SGSM2: variants seen among roughly 807,000 people sequenced by gnomAD.
The protein encoded by SGSM2 is RUN and TBC1 domain containing 1.
In SGSM2, 89 loss-of-function variants were observed where a neutral mutation model predicts 126.6. The observed-to-expected ratio is 0.70, with a 90% CI of 0.59 to 0.84. The LOEUF is 0.84. SGSM2 is among the 40% of genes least tolerant of loss of function. The pLI is 0.00. For synonymous variants in SGSM2, 614 were observed against 574.3 expected, an observed-to-expected ratio of 1.07 and a Z score of -0.99; for missense variants, 1,404 against 1,416.6, an observed-to-expected ratio of 0.99 and a Z score of 0.14.
In SGSM2 at chr17:2,379,764, C is replaced by G; in HGVS notation, c.*244C>G. 1.4e-6 allele frequency: 2 copies of G among 1,382,946 alleles called. No homozygotes were observed. Among genetic ancestry groups the G allele is most frequent in the South Asian group, 1.7e-5 (1 of 59,816 alleles). The allele number at this position is 1,382,946 out of a possible 1,614,324, so 85.7% of individuals were successfully genotyped here. Reference sequence around the variant, plus strand: ...CTCAGGGAGCAGCTGCCTTGGGGGACACACCTACTCTGCTCCCCTCTCACA... The same window carrying G: ...CTCAGGGAGCAGCTGCCTTGGGGGAGACACCTACTCTGCTCCCCTCTCACA... On this transcript the variant is annotated 3_prime_UTR_variant, in exon 24 of 24. Transcript: ENST00000268989.
At chr17:2,374,681 C>T (rs2066043447) in intron 17 of SGSM2, 1 of 152,264 alleles carries the variant, frequency 6.6e-6, no homozygotes. Flanking sequence ...CTCCCTCTCT[C>T]TGGCTTTGGG....
At chr17:2,359,765 G>T (rs2065235679) in intron 2 of SGSM2, among the ~76,000 whole-genome samples, 1 of 152,114 alleles carries the variant, frequency 6.6e-6, no homozygotes, top group African/African-American at 2.4e-5. Flanking sequence ...CATTATCCCG[G>T]CAATTAATCA....
intron 23 of SGSM2, 22 bp downstream of exon 23, chr17:2,379,225 C>T: frequency 2.5e-6 from 4 of 1,613,482 alleles, no homozygotes; most frequent in Non-Finnish European, 3.4e-6. Context: ...TCCAGCCATC[C>T]AGGCTGCCCT....
chr17:2,376,495 G>A (rs369357082), intron 19 of SGSM2: 66 of 661,630 alleles, frequency 1.0e-4, no homozygotes, highest in Admixed American at 2.0e-4. Context: ...CCTCATCCCC[G>A]CACCCCCGCC....
intron 11 of SGSM2, among the ~76,000 whole-genome samples, chr17:2,365,734 C>A (rs534042352): frequency 9.6e-4 from 146 of 151,518 alleles, no homozygotes; most frequent in South Asian, 4.8e-3. Flanking sequence ...GGGTATGGGA[C>A]CAGCGCTACT....
At chr17:2,376,540 A>G in intron 19 of SGSM2, 193 bp from the exon 20 acceptor site, 1 of 702,802 alleles carries the variant, frequency 1.4e-6, no homozygotes, top group African/African-American at 1.8e-5. Context: ...GGCTCTCCCT[A>G]AGTCGGAGTG....
rs1283075676 is a variant in SGSM2 at position 2,337,947 on chromosome 17, G to A, written c.57+202G>A. Among the ~76,000 whole-genome samples the A allele has an allele frequency of 6.6e-6, 1 of 152,018 alleles. No homozygotes were observed. The highest frequency in any genetic ancestry group is 1.5e-5 in the Non-Finnish European group (1 of 67,950). The stretch of plus-strand genomic sequence containing the variant: ...CCTCTGCCCGGGGGACCCGGCCGGC[G>A]CTCCCGGCTTGTTTGCTTCGCAGCC... On this transcript the variant is annotated intron_variant, in intron 1 of 23. Coordinates refer to ENST00000268989, the MANE Select transcript of SGSM2 (RefSeq NM_014853.3). The surrounding 1 kb of genome is among the most constrained non-coding windows in gnomAD (Gnocchi z 5.1).
chr17:2,375,676 C>A lies in SGSM2; in HGVS notation c.2285C>A (p.Ser762Ter). 6.2e-7 allele frequency: 1 copy of A among 1,613,920 alleles called. No individual in the cohort carries two copies. The highest frequency in any genetic ancestry group is 1.1e-5 in the South Asian group (1 of 91,082). ...LPSSRNYSVA[S>*]GIQSSLDEGQ... ...TCCTCTCGCAATTACTCCGTGGCCT[C>A]GGGCATCCAGTCAAGCCTAGATGAG... Residue 762 changes from serine to a stop codon, truncating the protein, a stop_gained, in exon 18 of 24, where the codon TCG (serine) becomes TAG (stop). Coordinates refer to ENST00000268989, the MANE Select transcript of SGSM2 (RefSeq NM_014853.3). LOFTEE classifies it high-confidence loss of function.
chr17:2,367,147 C>T lies in SGSM2; in HGVS notation c.1289-124C>T, dbSNP rs945312507. ...GAGCTTTCTGGTCCCCTCCCTTCCC[C>T]TCTTCTGTGCCCTGCAGATTCACGA... On this transcript the variant is annotated intron_variant, in intron 11 of 23. Coordinates refer to ENST00000268989, the MANE Select transcript of SGSM2 (RefSeq NM_014853.3). This position sits in a 1 kb window ranked among gnomAD's most constrained non-coding sequence, Gnocchi z 4.0. 14 of 1,145,058 alleles carry T rather than the reference C, an allele frequency of 1.2e-5. No individual in the cohort carries two copies. Among genetic ancestry groups the T allele is most frequent in the Non-Finnish European group, 1.4e-5 (12 of 831,918 alleles). 70.9% of individuals were successfully genotyped at this position (1,145,058 alleles called of 1,614,324 possible).
chr17:2,377,773 C>T (rs758956417), intron 21 of SGSM2, 84 bp from the exon 22 acceptor site: 53 of 880,962 alleles, frequency 6.0e-5, no homozygotes, highest in Non-Finnish European at 9.8e-5. Context: ...GCCTGCATCC[C>T]TGGGCGTGAG....
At chr17:2,350,174 G>A (rs35280661) in intron 2 of SGSM2, among the ~76,000 whole-genome samples, 48,336 of 151,288 alleles carry the variant, frequency 0.32, 9,125 homozygotes, top group East Asian at 0.56. Flanking sequence ...CACCTGCCTC[G>A]GTCTCCCAAA....
chr17:2,339,039 A>G (rs1386059944), intron 1 of SGSM2, among the ~76,000 whole-genome samples: 1 of 151,652 alleles, frequency 6.6e-6, no homozygotes, highest in East Asian at 2.0e-4. Context: ...AGCCTGGGCG[A>G]CAGAGTGAGA....
chr17:2,338,355 G>GC (rs145407084), intron 1 of SGSM2, among the ~76,000 whole-genome samples: 7,384 of 152,202 alleles, frequency 0.049, 552 homozygotes, highest in African/African-American at 0.17. Flanking sequence ...TTTGAGGGAA[G>GC]CCCCCCTACT....
Position 2,362,348 on chromosome 17 carries a change from A to C in SGSM2, c.458+78A>C, listed in dbSNP as rs2065349982. 7.1e-6 allele frequency: 10 copies of C among 1,410,060 alleles called. No individual in the cohort carries two copies. Among genetic ancestry groups the C allele is most frequent in the Non-Finnish European group, 8.5e-6 (9 of 1,053,144 alleles). 87.3% of individuals were successfully genotyped at this position (1,410,060 alleles called of 1,614,324 possible). A position where few individuals can be genotyped will look rare whatever the true frequency, so the allele number is the denominator to read the frequency against. On this transcript the variant is annotated intron_variant, in intron 4 of 23. Transcript: ENST00000268989. This position sits in a 1 kb window ranked among gnomAD's most constrained non-coding sequence, Gnocchi z 4.9. The stretch of plus-strand genomic sequence containing the variant: ...ACTGCAGGTGACCGCCCCGTTCCCC[A>C]AAAACTGCAGGTGACCGCCCCGTTC...
At position 2,373,729 on chromosome 17, in the gene SGSM2, T is replaced by C. The variant is rs2065996104; in HGVS notation, c.2100+216T>C. ...TGTAGGAATAAAGTGAGAGAGTGCA[T>C]TGTGCTCAGTTTTAGCCAACTATAG... is the stretch of plus-strand genomic sequence containing the variant. On this transcript the variant is annotated intron_variant, in intron 17 of 23. Coordinates refer to ENST00000268989, the MANE Select transcript of SGSM2 (RefSeq NM_014853.3). 7.1e-6 allele frequency: 4 copies of C among 563,800 alleles called. No homozygotes were observed. In the South Asian group the frequency reaches 7.1e-5, roughly 10 times the overall value. The allele number at this position is 563,800 out of a possible 1,614,324, so 34.9% of individuals were successfully genotyped here.
intron 2 of SGSM2, among the ~76,000 whole-genome samples, chr17:2,354,989 G>C (rs1233475293): frequency 3.8e-4 from 8 of 21,012 alleles, no homozygotes; most frequent in South Asian, 2.1e-3. Flanking sequence ...TGTAAGGGTT[G>C]GGGGAAGGGA....
At chr17:2,375,425 C>CGAGGAGG in intron 17 of SGSM2, 67 bp from the exon 18 acceptor site, 1 of 1,531,446 alleles carries the variant, frequency 6.5e-7, no homozygotes. Flanking sequence ...CCTTCTGGCC[C>CGAGGAGG]GAGGAGGCGG....
intron 21 of SGSM2, 183 bp downstream of exon 21, chr17:2,377,251 C>T (rs536391116): frequency 1.4e-5 from 8 of 552,708 alleles, no homozygotes; most frequent in Admixed American, 1.0e-4. Flanking sequence ...TTTAGGAGGC[C>T]GAGGCAGGCG....
intron 17 of SGSM2, chr17:2,374,556 C>T (rs1289050267): frequency 6.6e-6 from 1 of 151,952 alleles, no homozygotes; most frequent in Non-Finnish European, 1.5e-5. Flanking sequence ...TAGCCTGGGC[C>T]ATAGAGTGAG....
Sources: allele counts gnomAD v4.1 joint callset (sites outside exome capture counted in the v4.1 genomes callset), GRCh38; gene constraint gnomAD v4.1.1; non-coding constraint Gnocchi (gnomAD v3.1); transcripts MANE v1.5; gene names NCBI Gene and HGNC (gene_info 2026-07-23, HGNC 2026-07-21).